Variants in PHC1 observed in about 807,000 individuals in gnomAD.
PHC1 encodes polyhomeotic homolog 1, also known as polyhomeotic-like protein 1.
A neutral mutation model predicts 104.3 loss-of-function variants in PHC1; 12 were observed. The observed-to-expected ratio is 0.12, with a 90% CI of 0.07 to 0.19. The LOEUF is 0.19. PHC1 is among the 10% of genes least tolerant of loss of function. PHC1 has a pLI of 1.00. For synonymous variants in PHC1, 302 were observed against 455.8 expected (o/e 0.66, Z 4.30); for missense variants, 671 against 1,200.0 (o/e 0.56, Z 6.51).
chr12:8,921,091 G>A, intron 4 of PHC1, 26 bp downstream of exon 4: 3 of 1,548,064 alleles, frequency 1.9e-6, no homozygotes, highest in Non-Finnish European at 2.7e-6. Flanking sequence ...CCCACTGAGA[G>A]GCTTCTCTAC....
chr12:8,929,756 G>T (rs1462246710), intron 6 of PHC1, among the ~76,000 whole-genome samples: 2 of 152,126 alleles, frequency 1.3e-5, no homozygotes, highest in Non-Finnish European at 2.9e-5. Context: ...CTGAACTCAA[G>T]CAGTCTGTCC....
intron 2 of PHC1, 56 bp downstream of exon 2, chr12:8,917,847 T>C: frequency 3.4e-6 from 3 of 894,632 alleles, no homozygotes; most frequent in Non-Finnish European, 5.2e-6. Flanking sequence ...TGGTAGGCAG[T>C]GATGCTGGAA....
At chr12:8,932,369 A>G (rs1314556775) in intron 7 of PHC1, among the ~76,000 whole-genome samples, 194 bp from the exon 8 acceptor site, 1 of 152,222 alleles carries the variant, frequency 6.6e-6, no homozygotes, top group Admixed American at 6.5e-5. Flanking sequence ...GACTAGTAGT[A>G]GTTGGTAATG....
chr12:8,933,308 C>T lies in PHC1; in HGVS notation c.1851C>T (p.Ala617=). 1 of 1,497,770 alleles carries T rather than the reference C, an allele frequency of 6.7e-7. No homozygotes were observed. The highest frequency in any genetic ancestry group is 8.9e-7 in the Non-Finnish European group (1 of 1,119,746). The allele number at this position is 1,497,770 out of a possible 1,614,324, so 92.8% of individuals were successfully genotyped here. The change falls in exon 8 of 15, where the codon GCC becomes GCT. Residue 617 remains alanine (A), a synonymous_variant. Coordinates refer to ENST00000544916, the MANE Select transcript of PHC1 (RefSeq NM_004426.3). ...GGATTSSPVV[A]QVPAAFYMQS... is the part of the protein sequence containing the mutation. ...CTACCACCTCCTCACCTGTTGTAGC[C>T]CAGGTCCCTGCTGCCTTCTATATGC... is the stretch of plus-strand genomic sequence containing the variant.
At chr12:8,938,773 T>C (rs1344373930) in intron 14 of PHC1, among the ~76,000 whole-genome samples, 2 of 152,192 alleles carry the variant, frequency 1.3e-5, no homozygotes, top group Non-Finnish European at 2.9e-5. Context: ...AAGTTATTTC[T>C]GTGGTTGAAC....
In PHC1 at chr12:8,921,818, G is replaced by A. The variant is rs909476061; in HGVS notation, c.456+68G>A. The A allele has an allele frequency of 6.2e-6, 9 of 1,447,188 alleles. No individual in the cohort carries two copies. The Admixed American group carries it at 1.5e-4, about 23-fold the overall frequency. The allele number at this position is 1,447,188 out of a possible 1,614,324, so 89.6% of individuals were successfully genotyped here. A position where few individuals can be genotyped will look rare whatever the true frequency, so the allele number is the denominator to read the frequency against. On this transcript the variant is annotated intron_variant, in intron 5 of 14. Transcript: ENST00000544916. ...GTCTGGCCCTGGCAAAGACTTGAGT[G>A]AAAGCTTTTTTTTGAGACAGAATCT...
chr12:8,927,901 CTTTCTTTCTTTCT>C (rs1565517551), intron 6 of PHC1, among the ~76,000 whole-genome samples: 44 of 108,072 alleles, frequency 4.1e-4, no homozygotes, highest in African/African-American at 2.0e-3. Flanking sequence ...TTCTTTCTTT[CTTTCTTTCTTTCT>C]TTTTTTTTTT....
chr12:8,929,833 T>A (rs1381410061), intron 6 of PHC1, among the ~76,000 whole-genome samples: 2 of 152,186 alleles, frequency 1.3e-5, no homozygotes, highest in African/African-American at 4.8e-5. Flanking sequence ...ATAATAATCC[T>A]TTTTTGGTTC....
At position 8,933,081 on chromosome 12, in the gene PHC1, G is replaced by T; in HGVS notation, c.1624G>T (p.Ala542Ser). The change falls in exon 8 of 15, where the codon GCT becomes TCT. Residue 542 changes from alanine (A) to serine (S), a missense_variant. Around this residue, in one of 9 missense-constraint regions of PHC1, gnomAD observed 26 missense variants for 130.8 expected, o/e 0.20. Coordinates refer to ENST00000544916, the MANE Select transcript of PHC1 (RefSeq NM_004426.3). ...ACAGCCAGGTACAGCCCAGGCACAG[G>T]CTTTGGGGTTGGCACAGCTGGCAGC... ...TRQPGTAQAQ[A>S]LGLAQLAAAV... The T allele has an allele frequency of 6.8e-6, 5 of 736,944 alleles. No homozygotes were observed. The highest frequency in any genetic ancestry group is 8.7e-6 in the Non-Finnish European group (4 of 461,628). 45.7% of individuals were successfully genotyped at this position (736,944 alleles called of 1,614,324 possible).
intron 6 of PHC1, among the ~76,000 whole-genome samples, chr12:8,923,452 C>G (rs934548959): frequency 6.6e-6 from 1 of 152,102 alleles, no homozygotes; most frequent in Non-Finnish European, 1.5e-5. Flanking sequence ...TACTTTTGGC[C>G]CTCCCTGTTT....
intron 6 of PHC1, among the ~76,000 whole-genome samples, chr12:8,927,369 G>A (rs1190944444): frequency 6.6e-6 from 1 of 152,126 alleles, no homozygotes; most frequent in Non-Finnish European, 1.5e-5. Context: ...GGAATGTGCA[G>A]TTCCTACATG....
Position 8,937,837 on chromosome 12 carries a change from A to G in PHC1, c.2637A>G (p.Glu879=). The G allele has an allele frequency of 1.2e-6, 2 of 1,612,312 alleles. No individual in the cohort carries two copies. The highest frequency in any genetic ancestry group is 8.5e-7 in the Non-Finnish European group (1 of 1,178,404). Residue 879 remains glutamate, a synonymous_variant, in exon 14 of 15, where the codon GAA becomes GAG. Coordinates refer to ENST00000544916, the MANE Select transcript of PHC1 (RefSeq NM_004426.3). ...GCTCTTTTCCCCTATAGGGTCAAGA[A>G]GACTCTAGCCGGGGTTCAGATAATT... is the stretch of plus-strand genomic sequence containing the variant. ...KIQGKCHRGQ[E]DSSRGSDNSS...
chr12:8,915,428 CT>C (rs1369486664), intron 1 of PHC1, among the ~76,000 whole-genome samples: 1 of 152,036 alleles, frequency 6.6e-6, no homozygotes, highest in Middle Eastern at 3.2e-3. Flanking sequence ...ATGTCCCATC[CT>C]TTCTGCATGA....
At chr12:8,932,040 C>G (rs932550214) in intron 7 of PHC1, among the ~76,000 whole-genome samples, 2 of 152,192 alleles carry the variant, frequency 1.3e-5, no homozygotes, top group African/African-American at 4.8e-5. Context: ...GTGGTCTAAG[C>G]TGATGATTTG....
intron 6 of PHC1, among the ~76,000 whole-genome samples, chr12:8,923,437 T>C (rs1371861619): frequency 1.3e-5 from 2 of 152,212 alleles, no homozygotes; most frequent in East Asian, 3.8e-4. Context: ...AGTTCTTCCT[T>C]CATGTACTTT....
rs1476267436 is a variant in PHC1, at chr12:8,933,994, G to A, written c.2023G>A (p.Glu675Lys). 5 of 1,614,142 alleles carry A rather than the reference G, an allele frequency of 3.1e-6. No homozygotes were observed. Among genetic ancestry groups the A allele is most frequent in the South Asian group, 1.1e-5 (1 of 91,084 alleles). Residue 675 changes from glutamate (E) to lysine (K), a missense_variant, in exon 9 of 15, where the codon GAG becomes AAG. Physicochemically the swap from Glu to Lys is moderately conservative, Grantham distance 56. Transcript: ENST00000544916. ...AGCAGAAAGCCCAAAAGTCATGGACGAGAAGAGCAGTCTTGGAGGTGAGTA... is the reference window on the plus strand; with the variant it reads ...AGCAGAAAGCCCAAAAGTCATGGACAAGAAGAGCAGTCTTGGAGGTGAGTA... ...PVAESPKVMD[E>K]KSSLGEKAES...
chr12:8,921,164 G>A (rs756848343), intron 4 of PHC1, 99 bp downstream of exon 4: 45 of 842,870 alleles, frequency 5.3e-5, no homozygotes, highest in East Asian at 1.0e-4. Context: ...TTATTGAGCC[G>A]TCAGTGGATA....
At chr12:8,915,471 C>A (rs1488691570) in intron 1 of PHC1, among the ~76,000 whole-genome samples, 1 of 152,060 alleles carries the variant, frequency 6.6e-6, no homozygotes, top group African/African-American at 2.4e-5. Context: ...TATTGACTTT[C>A]TCCAACTCTC....
At chr12:8,917,518 A>G in intron 1 of PHC1, 112 bp from the exon 2 acceptor site, 1 of 467,480 alleles carries the variant, frequency 2.1e-6, no homozygotes, top group Non-Finnish European at 3.8e-6. Flanking sequence ...GGCTTATGGA[A>G]GAGGAGGAAG....
Sources: gnomAD v4.1 joint callset for allele counts (sites outside exome capture counted in the v4.1 genomes callset) on GRCh38, gnomAD v4.1.1 for gene constraint, gnomAD v4.1.1 regional missense constraint, MANE v1.5 for transcripts, NCBI Gene and HGNC (gene_info 2026-07-23, HGNC 2026-07-21) for gene names.